SEMA3D: variants seen among roughly 807,000 people sequenced by gnomAD.
SEMA3D encodes semaphorin-3D.
In SEMA3D, 84 loss-of-function variants were observed where a neutral mutation model predicts 100.1. That is an observed-to-expected ratio of 0.84 (90% CI 0.70 to 1.01). SEMA3D has a LOEUF of 1.01. Ranked by LOEUF, SEMA3D falls within the 50% of genes least tolerant of loss-of-function variation. The probability of loss-of-function intolerance (pLI) is 0.00; values close to 1 mark genes in which losing one functional copy is unlikely to be tolerated. For synonymous variants in SEMA3D, 312 were observed against 320.7 expected (o/e 0.97, Z 0.29); for missense variants, 875 against 934.1 (o/e 0.94, Z 0.82).
chr7:85,185,261 G>C (rs998741218), intron 1 of SEMA3D, among the ~76,000 whole-genome samples: 1 of 151,982 alleles, frequency 6.6e-6, no homozygotes, highest in Admixed American at 6.6e-5. Context: ...ACCAGACCCA[G>C]GAGATGTCTC....
At chr7:85,053,904 G>C (rs1435340518) in intron 9 of SEMA3D, among the ~76,000 whole-genome samples, 5 of 151,776 alleles carry the variant, frequency 3.3e-5, no homozygotes. Flanking sequence ...GAATCTTGCT[G>C]TGTGGCCTCA....
intron 18 of SEMA3D, 27 bp from the exon 19 acceptor site, chr7:84,999,892 TAAATTAAACACAGAGAGAGCTAAGAGC>T (rs1478424545): frequency 6.3e-7 from 1 of 1,591,866 alleles, no homozygotes; most frequent in Non-Finnish European, 8.6e-7. Flanking sequence ...ATGTAGGTAA[TAAATTAAACACAGAGAGAGCTAAGAGC>T]AAATGAAAAC....
intron 12 of SEMA3D, among the ~76,000 whole-genome samples, chr7:85,036,357 A>C (rs1790693109): frequency 6.6e-6 from 1 of 152,124 alleles, no homozygotes; most frequent in African/African-American, 2.4e-5. Context: ...TATTTGAAAA[A>C]AATTTTTGAC....
the SEMA3D span, among the ~76,000 whole-genome samples, chr7:85,211,053 A>G: frequency 6.6e-6 from 1 of 152,082 alleles, no homozygotes. Context: ...AATTAACTAC[A>G]AAATAAATGT....
the SEMA3D span, among the ~76,000 whole-genome samples, chr7:85,233,911 G>A: frequency 1.2e-4 from 19 of 152,272 alleles, 1 homozygote; most frequent in African/African-American, 3.4e-4. Flanking sequence ...CCTGAACTGG[G>A]TCTAGATCAG....
Position 85,056,706 on chromosome 7 carries a change from A to G in SEMA3D, c.719-847T>C, listed in dbSNP as rs376468030. On this transcript the variant is annotated intron_variant, in intron 8 of 18. Transcript: ENST00000284136. Reference sequence around the variant, plus strand: ...GTATTCCTCCAAAACAATTTTTTACAGTACAAAAGCCAGTATTTATGACAG... The same window carrying G: ...GTATTCCTCCAAAACAATTTTTTACGGTACAAAAGCCAGTATTTATGACAG... Among the ~76,000 whole-genome samples the G allele has an allele frequency of 3.3e-5, 5 of 150,210 alleles. No homozygotes were observed. The East Asian group carries it at 9.8e-4, about 29-fold the overall frequency.
At position 84,999,387 on chromosome 7, in the gene SEMA3D, G is replaced by A; in HGVS notation, c.*53C>T. 1 of 1,423,200 alleles carries A rather than the reference G, an allele frequency of 7.0e-7. No homozygotes were observed. Among genetic ancestry groups the A allele is most frequent in the South Asian group, 1.2e-5 (1 of 82,422 alleles). 88.2% of individuals were successfully genotyped at this position (1,423,200 alleles called of 1,614,324 possible). A position where few individuals can be genotyped will look rare whatever the true frequency, so the allele number is the denominator to read the frequency against. On this transcript the variant is annotated 3_prime_UTR_variant, in exon 19 of 19. Transcript: ENST00000284136. Reference sequence around the variant, plus strand: ...ATTACTATAAGGGATATACAAAACAGAAGGCAATGTTTTTATAGGTAAGGA... The same window carrying A: ...ATTACTATAAGGGATATACAAAACAAAAGGCAATGTTTTTATAGGTAAGGA...
the SEMA3D span, among the ~76,000 whole-genome samples, chr7:85,210,345 T>A: frequency 6.6e-6 from 1 of 152,114 alleles, no homozygotes; most frequent in Non-Finnish European, 1.5e-5. Context: ...TTTTGATGAC[T>A]ACATAAGATA....
the SEMA3D span, among the ~76,000 whole-genome samples, chr7:85,228,885 G>GT: frequency 1.1e-4 from 16 of 151,950 alleles, no homozygotes; most frequent in Admixed American, 6.6e-4. Context: ...CTTGTGGCCT[G>GT]TTTTTTAACA....
In SEMA3D at chr7:85,140,040, CATTA is replaced by C. The variant is rs528190535; in HGVS notation, c.-41+13564_-41+13567del. On this transcript the variant is annotated intron_variant, in intron 2 of 18. Transcript: ENST00000284136. ...ATTAGATAAACTTGTTGCATGCTGT[CATTA>C]ATTATTACACATGCTACTATTAATT... The C allele has an allele frequency of 1.3e-3, 672 of 503,134 alleles. 1 individual carries two copies. The highest frequency in any genetic ancestry group is 2.1e-3 in the Middle Eastern group (2 of 954). 31.2% of individuals were successfully genotyped at this position (503,134 alleles called of 1,614,324 possible). A position where few individuals can be genotyped will look rare whatever the true frequency, so the allele number is the denominator to read the frequency against.
intron 2 of SEMA3D, among the ~76,000 whole-genome samples, chr7:85,135,900 A>C (rs924197270): frequency 6.6e-6 from 1 of 151,996 alleles, no homozygotes; most frequent in Non-Finnish European, 1.5e-5. Context: ...AAGACAAAGC[A>C]TAAAATTAAG....
At chr7:85,171,789 G>A (rs1791089416) in intron 1 of SEMA3D, among the ~76,000 whole-genome samples, 1 of 151,914 alleles carries the variant, frequency 6.6e-6, no homozygotes, top group Non-Finnish European at 1.5e-5. Context: ...TAAGGAATGA[G>A]TGAATTTATA....
At chr7:85,095,706 CT>C (rs965631067) in intron 4 of SEMA3D, among the ~76,000 whole-genome samples, 5 of 151,946 alleles carry the variant, frequency 3.3e-5, no homozygotes, top group African/African-American at 1.2e-4. Flanking sequence ...AAATTATTAC[CT>C]TTGCATACAT....
At chr7:85,109,528 CA>C (rs1420078410) in intron 3 of SEMA3D, among the ~76,000 whole-genome samples, 1 of 151,868 alleles carries the variant, frequency 6.6e-6, no homozygotes, top group Non-Finnish European at 1.5e-5. Context: ...TGGCTTTAGT[CA>C]AATAAACCCC....
the SEMA3D span, among the ~76,000 whole-genome samples, chr7:85,220,990 T>C: frequency 5.9e-5 from 9 of 152,170 alleles, no homozygotes; most frequent in Admixed American, 5.2e-4. Context: ...TTTTATAGGG[T>C]TGGGGTCAGG....
chr7:85,202,175 A>G, the SEMA3D span, among the ~76,000 whole-genome samples: 1 of 149,792 alleles, frequency 6.7e-6, no homozygotes, highest in Non-Finnish European at 1.5e-5. Context: ...GTCATCTAGC[A>G]TTAGGTATAT....
chr7:85,167,152 A>G (rs543587368), intron 1 of SEMA3D: 8 of 477,282 alleles, frequency 1.7e-5, no homozygotes, highest in Non-Finnish European at 2.2e-5. Context: ...AGCCAAAACA[A>G]TATTATGTTT....
At chr7:85,207,770 C>G in the SEMA3D span, among the ~76,000 whole-genome samples, 5 of 151,906 alleles carry the variant, frequency 3.3e-5, no homozygotes, top group Non-Finnish European at 5.9e-5. Context: ...CAAAGATTTT[C>G]TTTAATCATT....
In SEMA3D at chr7:85,022,610, G is replaced by C. The variant is rs1790287645; in HGVS notation, c.1195C>G (p.Pro399Ala). 1 of 1,604,714 alleles carries C rather than the reference G, an allele frequency of 6.2e-7. No individual in the cohort carries two copies. Among genetic ancestry groups the C allele is most frequent in the Non-Finnish European group, 8.5e-7 (1 of 1,172,066 alleles). ...ATCAGTGGGTCATAGGTTTTGCTTG[G>C]ACACTGAAAATAAATGTGGAGGAAA... ...RIPYPRPGTC[P>A]SKTYDPLIKS... The change falls in exon 13 of 19, where the codon CCA becomes GCA. Residue 399 changes from proline (P) to alanine (A), a missense_variant. Transcript: ENST00000284136.
Sources: allele counts gnomAD v4.1 joint callset (sites outside exome capture counted in the v4.1 genomes callset), GRCh38; gene constraint gnomAD v4.1.1; transcripts MANE v1.5; gene names NCBI Gene and HGNC (gene_info 2026-07-23, HGNC 2026-07-21).